Variants in PMM2 observed in about 807,000 individuals in gnomAD.
PMM2 encodes mannose-6-phosphate isomerase.
Under a neutral mutation model 33.2 loss-of-function variants are expected in PMM2, and 35 were observed. That is an observed-to-expected ratio of 1.06 (90% CI 0.81 to 1.40). PMM2 has a LOEUF of 1.40. Ranked by LOEUF, PMM2 falls within the 40% of genes most tolerant of loss-of-function variation. The pLI is 0.00. For synonymous variants in PMM2, 153 were observed against 114.7 expected, an observed-to-expected ratio of 1.33 and a Z score of -2.13; for missense variants, 386 against 306.0, an observed-to-expected ratio of 1.26 and a Z score of -1.95.
rs565983875 is a variant in PMM2 at position 8,837,333 on chromosome 16, G to A, written c.640-10391G>A. ...TTTCTGGCTATTTGGAACTACTGTC[G>A]AGTTTGTATTGGGGTCAAGTGGAAT... On this transcript the variant is annotated intron_variant, in intron 7 of 7. Transcript: ENST00000268261. Among the ~76,000 whole-genome samples the A allele has an allele frequency of 1.2e-3, 185 of 152,112 alleles. 2 individuals carry two copies. Among genetic ancestry groups the A allele is most frequent in the Non-Finnish European group, 1.1e-3 (74 of 68,000 alleles).
In PMM2 at chr16:8,797,849, C is replaced by G; in HGVS notation, c.-34C>G. ...TTCCGGGCCGAGTTCCTCGTGCCAA[C>G]GTGTCTTGTAAGGTGCGGCTAGAAA... On this transcript the variant is annotated 5_prime_UTR_variant, in exon 1 of 8. Transcript: ENST00000268261. 6.2e-7 allele frequency: 1 copy of G among 1,606,222 alleles called. No individual in the cohort carries two copies. Among genetic ancestry groups the G allele is most frequent in the South Asian group, 1.1e-5 (1 of 89,552 alleles).
chr16:8,844,576 G>A (rs1175044778), intron 7 of PMM2, among the ~76,000 whole-genome samples: 1 of 152,194 alleles, frequency 6.6e-6, no homozygotes, highest in Non-Finnish European at 1.5e-5. Flanking sequence ...AGAAAAGCGG[G>A]ACTTGCCGCT....
chr16:8,846,988 C>T (rs531273014), intron 7 of PMM2, among the ~76,000 whole-genome samples: 3 of 152,062 alleles, frequency 2.0e-5, no homozygotes, highest in African/African-American at 7.3e-5. Context: ...CTCAGCCTCC[C>T]GAGCAGCTGG....
intron 7 of PMM2, among the ~76,000 whole-genome samples, chr16:8,835,015 A>C (rs1233122422): frequency 6.6e-6 from 1 of 151,794 alleles, no homozygotes; most frequent in Non-Finnish European, 1.5e-5. Context: ...GGTATGAGGA[A>C]GAAAGTAGAT....
rs1418494813 is a variant in PMM2, at chr16:8,797,918, C to A, written c.36C>A (p.Asp12Glu). 6.2e-7 allele frequency: 1 copy of A among 1,610,602 alleles called. No homozygotes were observed. The highest frequency in any genetic ancestry group is 1.7e-5 in the Admixed American group (1 of 59,670). Residue 12 changes from aspartate (D) to glutamate (E), a missense_variant, in exon 1 of 8, where the codon GAC becomes GAA. Physicochemically the swap from Asp to Glu is conservative, Grantham distance 45. Coordinates refer to ENST00000268261, the MANE Select transcript of PMM2 (RefSeq NM_000303.3). ...AAPGPALCLF[D>E]VDGTLTAPRQ... Reference sequence around the variant, plus strand: ...CTGGCCCAGCGCTCTGCCTCTTCGACGTGGATGGGACCCTCACCGCCCCGC... The same window carrying A: ...CTGGCCCAGCGCTCTGCCTCTTCGAAGTGGATGGGACCCTCACCGCCCCGC...
At chr16:8,831,086 C>T (rs748241107) in intron 7 of PMM2, among the ~76,000 whole-genome samples, 18 of 151,966 alleles carry the variant, frequency 1.2e-4, no homozygotes, top group Non-Finnish European at 2.2e-4. Flanking sequence ...TTCCAGTGAG[C>T]CGAGAGTGTG....
intron 7 of PMM2, among the ~76,000 whole-genome samples, chr16:8,847,217 G>C (rs199617078): frequency 6.6e-6 from 1 of 152,070 alleles, no homozygotes; most frequent in East Asian, 1.9e-4. Context: ...CCATTGCATT[G>C]GCCACGTTTC....
chr16:8,827,241 C>G (rs2060774058), intron 7 of PMM2, among the ~76,000 whole-genome samples: 1 of 151,538 alleles, frequency 6.6e-6, no homozygotes, highest in Non-Finnish European at 1.5e-5. Flanking sequence ...CTTAGGTCCT[C>G]TCATGTGGGC....
At chr16:8,821,617 C>T (rs1214062108) in intron 7 of PMM2, among the ~76,000 whole-genome samples, 1 of 152,220 alleles carries the variant, frequency 6.6e-6, no homozygotes, top group Admixed American at 6.5e-5. Context: ...GTCTCCTCTG[C>T]CCTTGAAGGC....
intron 1 of PMM2, 31 bp downstream of exon 1, chr16:8,797,979 C>A: frequency 1.3e-6 from 2 of 1,572,720 alleles, no homozygotes; most frequent in South Asian, 1.2e-5. Context: ...TGCTGGCAGC[C>A]GACGCGGAGC....
rs1203989081 is a variant in PMM2, at chr16:8,848,086, A to T, written c.*261A>T. The T allele has an allele frequency of 1.0e-5, 5 of 492,444 alleles. No individual in the cohort carries two copies. The highest frequency in any genetic ancestry group is 1.9e-5 in the Non-Finnish European group (5 of 268,150). The allele number at this position is 492,444 out of a possible 1,614,324, so 30.5% of individuals were successfully genotyped here. A position where few individuals can be genotyped will look rare whatever the true frequency, so the allele number is the denominator to read the frequency against. On this transcript the variant is annotated 3_prime_UTR_variant, in exon 8 of 8. Transcript: ENST00000268261. ...CACCCACCCCCAGCCCCCTAGTCTA[A>T]TACCCACCCTGATACGTGCAATCAT...
intron 7 of PMM2, among the ~76,000 whole-genome samples, chr16:8,827,068 G>T (rs1175935498): frequency 6.6e-6 from 1 of 151,870 alleles, no homozygotes; most frequent in African/African-American, 2.4e-5. Flanking sequence ...AGTGAAAAAG[G>T]CCAAGTAATG....
At chr16:8,805,717 C>G (rs1432209466) in intron 3 of PMM2, among the ~76,000 whole-genome samples, 1 of 151,918 alleles carries the variant, frequency 6.6e-6, no homozygotes, top group African/African-American at 2.4e-5. Flanking sequence ...CTCAGCCTCC[C>G]TAGGTGGGAT....
chr16:8,801,779 T>C lies in PMM2; in HGVS notation c.67-20T>C. 1 of 1,493,896 alleles carries C rather than the reference T, an allele frequency of 6.7e-7. No individual in the cohort carries two copies. The highest frequency in any genetic ancestry group is 9.3e-7 in the Non-Finnish European group (1 of 1,077,588). 92.5% of individuals were successfully genotyped at this position (1,493,896 alleles called of 1,614,324 possible). On this transcript the variant is annotated intron_variant, in intron 1 of 7. Transcript: ENST00000268261. The stretch of plus-strand genomic sequence containing the variant: ...TATTGTGTGGCTTATGACTGTTGTA[T>C]TTTCTTTCTTGAAATTTAGAAAATT...
chr16:8,802,220 T>G, intron 2 of PMM2: 1 of 459,562 alleles, frequency 2.2e-6, no homozygotes. Context: ...ACAGCCCTTC[T>G]AGCCCCAGTC....
intron 7 of PMM2, among the ~76,000 whole-genome samples, chr16:8,836,335 TC>T (rs1479074820): frequency 3.9e-5 from 6 of 152,170 alleles, no homozygotes; most frequent in African/African-American, 1.4e-4. Context: ...GGGCCAGAGT[TC>T]CAGGGGCTCT....
At chr16:8,806,935 T>C (rs139164091) in intron 4 of PMM2, 3,716 of 157,720 alleles carry the variant, frequency 0.024, 62 homozygotes, top group Middle Eastern at 0.07. Context: ...GCCTGCAGTG[T>C]TAAAGAAAAT....
At chr16:8,812,035 G>A (rs1472212246) in intron 6 of PMM2, among the ~76,000 whole-genome samples, 2 of 152,142 alleles carry the variant, frequency 1.3e-5, no homozygotes, top group African/African-American at 4.8e-5. Flanking sequence ...TCACACCTTT[G>A]GGCAGAAGAG....
At chr16:8,813,752 G>A (rs1007811666) in intron 7 of PMM2, among the ~76,000 whole-genome samples, 2 of 152,054 alleles carry the variant, frequency 1.3e-5, no homozygotes, top group Admixed American at 6.6e-5. Flanking sequence ...TGTCCTCTCC[G>A]TGGGGCAAGG....
Sources: allele counts gnomAD v4.1 joint callset (sites outside exome capture counted in the v4.1 genomes callset), GRCh38; gene constraint gnomAD v4.1.1; transcripts MANE v1.5; gene names NCBI Gene and HGNC (gene_info 2026-07-23, HGNC 2026-07-21).